AGBL4: variants seen among roughly 807,000 people sequenced by gnomAD.
The protein encoded by AGBL4 is AGBL carboxypeptidase 4.
In AGBL4, 58 loss-of-function variants were observed where a neutral mutation model predicts 66.4. The observed-to-expected ratio is 0.87, with a 90% confidence interval of 0.71 to 1.09. The LOEUF (loss-of-function observed/expected upper bound fraction) is 1.09, where lower values mean the gene tolerates loss of function less well. Ranked by LOEUF, AGBL4 falls within the 50% of genes least tolerant of loss-of-function variation. The pLI is 0.00. For synonymous variants in AGBL4, 234 were observed against 222.9 expected (o/e 1.05, Z -0.44); for missense variants, 579 against 631.0 (o/e 0.92, Z 0.88).
intron 4 of AGBL4, among the ~76,000 whole-genome samples, chr1:49,102,144 T>C (rs1223721275): frequency 6.6e-6 from 1 of 152,108 alleles, no homozygotes; most frequent in Non-Finnish European, 1.5e-5. Flanking sequence ...TGGTCTCCTA[T>C]CTGAGGAACA....
chr1:49,256,532 G>A (rs184304714), intron 3 of AGBL4, among the ~76,000 whole-genome samples: 1 of 152,206 alleles, frequency 6.6e-6, no homozygotes, highest in Admixed American at 6.5e-5. Context: ...AGACAAATCA[G>A]GGTGTTAAGT....
intron 5 of AGBL4, among the ~76,000 whole-genome samples, chr1:49,043,838 A>G (rs1326990398): frequency 2.0e-5 from 3 of 152,216 alleles, no homozygotes; most frequent in Non-Finnish European, 4.4e-5. Context: ...TGAGTTGCAC[A>G]TAGGCCCTCT....
chr1:48,789,080 C>T (rs892892596), intron 6 of AGBL4, among the ~76,000 whole-genome samples: 1 of 152,044 alleles, frequency 6.6e-6, no homozygotes, highest in Non-Finnish European at 1.5e-5. Flanking sequence ...ATAGATGTAG[C>T]AACTGAGGTT....
intron 6 of AGBL4, among the ~76,000 whole-genome samples, chr1:48,792,974 T>C (rs192945225): frequency 6.6e-6 from 1 of 152,312 alleles, no homozygotes; most frequent in Non-Finnish European, 1.5e-5. Flanking sequence ...ACTTGGTGAA[T>C]GGCCCCACTA....
chr1:49,123,677 C>CTCCTTA (rs1275136615), intron 4 of AGBL4, among the ~76,000 whole-genome samples: 3 of 152,156 alleles, frequency 2.0e-5, no homozygotes, highest in Non-Finnish European at 4.4e-5. Context: ...ATAAACTCTA[C>CTCCTTA]TCCTTATAAA....
chr1:49,522,928 G>T (rs939686788), intron 3 of AGBL4, among the ~76,000 whole-genome samples: 9 of 152,018 alleles, frequency 5.9e-5, no homozygotes, highest in Admixed American at 5.9e-4. Flanking sequence ...CCTCTGCTCA[G>T]CAAAGGTGTA....
intron 6 of AGBL4, chr1:48,818,210 C>G (rs1490690521): frequency 7.0e-6 from 5 of 717,320 alleles, no homozygotes; most frequent in Non-Finnish European, 1.0e-5. Flanking sequence ...ATTTCACCAG[C>G]TCCATCTTCC....
intron 1 of AGBL4, among the ~76,000 whole-genome samples, chr1:49,969,917 A>G (rs141169234): frequency 8.7e-4 from 133 of 152,344 alleles, no homozygotes; most frequent in African/African-American, 3.1e-3. Flanking sequence ...GACCAATAGA[A>G]CAGAACAGAG....
chr1:48,644,713 G>A (rs1377383631), intron 8 of AGBL4, among the ~76,000 whole-genome samples: 3 of 152,172 alleles, frequency 2.0e-5, no homozygotes, highest in Admixed American at 2.0e-4. Flanking sequence ...GGGCAAGGTG[G>A]ACAGTTGGAG....
chr1:49,355,730 A>G (rs753305216), intron 3 of AGBL4, among the ~76,000 whole-genome samples: 1 of 152,034 alleles, frequency 6.6e-6, no homozygotes, highest in Non-Finnish European at 1.5e-5. Context: ...AAGACATTAA[A>G]TTTTTTCAGC....
chr1:49,885,490 A>C (rs1647927248), intron 1 of AGBL4, among the ~76,000 whole-genome samples: 1 of 151,994 alleles, frequency 6.6e-6, no homozygotes, highest in Non-Finnish European at 1.5e-5. Context: ...AACTCACCAA[A>C]AAAACCCCTA....
At chr1:49,094,124 C>G (rs1175341958) in intron 4 of AGBL4, among the ~76,000 whole-genome samples, 1 of 152,046 alleles carries the variant, frequency 6.6e-6, no homozygotes, top group Admixed American at 6.6e-5. Context: ...TGCAGAGCAA[C>G]TAGGATTCTC....
chr1:48,835,447 G>A (rs1646651189), intron 6 of AGBL4, among the ~76,000 whole-genome samples: 1 of 152,120 alleles, frequency 6.6e-6, no homozygotes, highest in Non-Finnish European at 1.5e-5. Context: ...ACTCTGAGAT[G>A]AGTGCTATGA....
intron 3 of AGBL4, among the ~76,000 whole-genome samples, chr1:49,317,645 T>C (rs1282408908): frequency 6.6e-6 from 1 of 151,782 alleles, no homozygotes; most frequent in Non-Finnish European, 1.5e-5. Context: ...GAAGACTCAA[T>C]GCAAATTAAA....
chr1:49,790,852 GC>G (rs1644582690), intron 2 of AGBL4, among the ~76,000 whole-genome samples: 1 of 152,110 alleles, frequency 6.6e-6, no homozygotes, highest in Non-Finnish European at 1.5e-5. Context: ...AACAGAAATG[GC>G]AGATAATCGA....
rs1311331804 is a variant in AGBL4 at position 49,899,260 on chromosome 1, T to C, written c.35-47742A>G. 3.3e-5 allele frequency among the ~76,000 whole-genome samples: 5 copies of C among 152,026 alleles called. No individual in the cohort carries two copies. The South Asian group carries it at 1.0e-3, about 32-fold the overall frequency. ...GACCTATAAATATATACACCTACTATGTGTCCACAAAAATAAAAAAAAAAT... is the reference window on the plus strand; with the variant it reads ...GACCTATAAATATATACACCTACTACGTGTCCACAAAAATAAAAAAAAAAT... On this transcript the variant is annotated intron_variant, in intron 1 of 13. Coordinates refer to ENST00000371839, the MANE Select transcript of AGBL4 (RefSeq NM_032785.4).
intron 1 of AGBL4, among the ~76,000 whole-genome samples, chr1:49,983,713 A>AT (rs1329839907): frequency 6.6e-6 from 1 of 152,318 alleles, no homozygotes; most frequent in East Asian, 1.9e-4. Context: ...GATCATGAAC[A>AT]TTTTTTTGAT....
At chr1:48,874,137 C>T (rs1488329063) in intron 5 of AGBL4, among the ~76,000 whole-genome samples, 41 of 152,156 alleles carry the variant, frequency 2.7e-4, no homozygotes, top group Admixed American at 2.5e-3. Flanking sequence ...AGCCAGCCAT[C>T]GGGGGAGGAC....
intron 3 of AGBL4, among the ~76,000 whole-genome samples, chr1:49,564,824 C>T (rs1030305909): frequency 3.5e-4 from 53 of 152,110 alleles, no homozygotes; most frequent in African/African-American, 5.1e-4. Context: ...CTATTAGGTC[C>T]GCTTGGTGCA....
Sources: allele counts gnomAD v4.1 joint callset (sites outside exome capture counted in the v4.1 genomes callset), GRCh38; gene constraint gnomAD v4.1.1; transcripts MANE v1.5; gene names NCBI Gene and HGNC (gene_info 2026-07-23, HGNC 2026-07-21).